ADGRL2: variants seen among roughly 807,000 people sequenced by gnomAD.
ADGRL2 encodes the protein calcium-independent alpha-latrotoxin receptor 2.
In ADGRL2, 44 loss-of-function variants were observed where a neutral mutation model predicts 157.4. The observed-to-expected ratio is 0.28, with a 90% CI of 0.22 to 0.36. The LOEUF is 0.36. ADGRL2 is among the 10% of genes least tolerant of loss of function. The pLI is 1.00. For missense variants in ADGRL2, 1,510 were observed against 1,768.9 expected (o/e 0.85, Z 2.63); for synonymous variants, 585 against 624.7 (o/e 0.94, Z 0.95).
chr1:81,455,545 G>T (rs565731840), intron 2 of ADGRL2, among the ~76,000 whole-genome samples: 2 of 152,270 alleles, frequency 1.3e-5, no homozygotes, highest in Admixed American at 6.5e-5. Context: ...GTGTTTTTCA[G>T]CACAGAGGTG....
chr1:81,619,229 G>A (rs11163340), intron 3 of ADGRL2, among the ~76,000 whole-genome samples: 59,267 of 151,512 alleles, frequency 0.39, 12,056 homozygotes, highest in African/African-American at 0.5. Flanking sequence ...GAGCTGGAAC[G>A]TATCACTGTT....
intron 1 of ADGRL2, among the ~76,000 whole-genome samples, chr1:81,750,886 C>G (rs1179256799): frequency 1.3e-5 from 2 of 152,066 alleles, no homozygotes; most frequent in South Asian, 2.1e-4. Context: ...GTGCATATAT[C>G]TCCTTGGTTC....
chr1:81,873,438 G>GT (rs2093749637), intron 2 of ADGRL2, among the ~76,000 whole-genome samples: 1 of 152,084 alleles, frequency 6.6e-6, no homozygotes, highest in Non-Finnish European at 1.5e-5. Flanking sequence ...TGCTTTGACA[G>GT]TAAAGAGGTA....
At chr1:81,453,884 C>T (rs1230810935) in intron 2 of ADGRL2, among the ~76,000 whole-genome samples, 1 of 152,100 alleles carries the variant, frequency 6.6e-6, no homozygotes, top group Non-Finnish European at 1.5e-5. Context: ...AATGAGCTTG[C>T]AAAGACATGC....
chr1:81,759,726 G>A (rs1387425880), intron 1 of ADGRL2, among the ~76,000 whole-genome samples: 1 of 151,962 alleles, frequency 6.6e-6, no homozygotes, highest in African/African-American at 2.4e-5. Flanking sequence ...TTTCCTTCAT[G>A]CTTGGACATC....
chr1:81,849,762 G>T (rs146708315), intron 2 of ADGRL2, among the ~76,000 whole-genome samples: 1 of 151,822 alleles, frequency 6.6e-6, no homozygotes, highest in African/African-American at 2.4e-5. Context: ...TAAAGGTGAG[G>T]ACAAATTTGT....
rs74732120 is a variant in ADGRL2, at chr1:81,888,836, C to T, written c.74-18181C>T. ...CCATTTTTCCAGCAGTATGTGCTCACTTCATGTGTCTGTGTCACATTTTGT... is the reference window on the plus strand; with the variant it reads ...CCATTTTTCCAGCAGTATGTGCTCATTTCATGTGTCTGTGTCACATTTTGT... On this transcript the variant is annotated intron_variant, in intron 2 of 23. Coordinates refer to ENST00000686636, the MANE Select transcript of ADGRL2 (RefSeq NM_001366006.2). Among the ~76,000 whole-genome samples the T allele has an allele frequency of 5.9e-5, 9 of 152,286 alleles. No homozygotes were observed. The East Asian group carries it at 1.4e-3, about 23-fold the overall frequency.
At chr1:81,400,279 C>G (rs2076728911) in intron 1 of ADGRL2, among the ~76,000 whole-genome samples, 1 of 151,920 alleles carries the variant, frequency 6.6e-6, no homozygotes, top group South Asian at 2.1e-4. Context: ...CTAGGAACAT[C>G]TTTGGGGCCC....
At chr1:81,692,829 C>G (rs977240846) in intron 3 of ADGRL2, among the ~76,000 whole-genome samples, 1 of 152,170 alleles carries the variant, frequency 6.6e-6, no homozygotes, top group South Asian at 2.1e-4. Flanking sequence ...CACATAAAAA[C>G]TCAGATATCT....
chr1:81,390,888 CCA>C (rs1298234012), intron 1 of ADGRL2, among the ~76,000 whole-genome samples: 2 of 152,406 alleles, frequency 1.3e-5, no homozygotes, highest in Admixed American at 6.5e-5. Context: ...AAAGATGCTG[CCA>C]CACACACCCA....
intron 2 of ADGRL2, among the ~76,000 whole-genome samples, chr1:81,550,841 A>T (rs1368322496): frequency 1.3e-5 from 2 of 152,106 alleles, no homozygotes; most frequent in Non-Finnish European, 2.9e-5. Flanking sequence ...AAAAAAAAAA[A>T]TTCATTACTG....
chr1:81,526,065 T>G (rs914777859), intron 2 of ADGRL2, among the ~76,000 whole-genome samples: 5 of 150,526 alleles, frequency 3.3e-5, no homozygotes, highest in Non-Finnish European at 7.4e-5. Flanking sequence ...CTTCCCAGTT[T>G]AATTGGACAA....
intron 2 of ADGRL2, among the ~76,000 whole-genome samples, chr1:81,519,965 T>C (rs537328490): frequency 6.6e-6 from 1 of 152,202 alleles, no homozygotes; most frequent in Non-Finnish European, 1.5e-5. Flanking sequence ...AAGAATAAAT[T>C]TTCTTGGGCT....
At chr1:81,397,476 C>T (rs765574696) in intron 1 of ADGRL2, among the ~76,000 whole-genome samples, 4 of 151,924 alleles carry the variant, frequency 2.6e-5, no homozygotes, top group South Asian at 2.1e-4. Context: ...CCCGCCACCA[C>T]GCCAGACTAA....
intron 1 of ADGRL2, among the ~76,000 whole-genome samples, chr1:81,380,838 T>G (rs1202271390): frequency 6.6e-6 from 1 of 152,074 alleles, no homozygotes; most frequent in African/African-American, 2.4e-5. Flanking sequence ...GTTTATTCTT[T>G]TTAAATGAAT....
chr1:81,854,368 G>A (rs979545610), intron 2 of ADGRL2, among the ~76,000 whole-genome samples: 2 of 152,048 alleles, frequency 1.3e-5, no homozygotes, highest in Non-Finnish European at 2.9e-5. Context: ...ACATTTGTAC[G>A]AGTATTTCAT....
chr1:81,944,776 T>C (rs1649242957), intron 6 of ADGRL2, among the ~76,000 whole-genome samples: 1 of 152,020 alleles, frequency 6.6e-6, no homozygotes, highest in African/African-American at 2.4e-5. Context: ...ATATTTTTTC[T>C]TCTCTTAAAG....
At chr1:81,753,854 A>G (rs9782905) in intron 1 of ADGRL2, among the ~76,000 whole-genome samples, 27,347 of 152,138 alleles carry the variant, frequency 0.18, 2,798 homozygotes, top group Non-Finnish European at 0.22. Context: ...CCAGAAAGGA[A>G]TCCCAGAAGC....
intron 1 of ADGRL2, among the ~76,000 whole-genome samples, chr1:81,398,564 A>T (rs2076696887): frequency 6.6e-6 from 1 of 152,032 alleles, no homozygotes. Flanking sequence ...CATTTCTTGC[A>T]AGGCTGGTCT....
Sources: allele counts gnomAD v4.1 joint callset (sites outside exome capture counted in the v4.1 genomes callset), GRCh38; gene constraint gnomAD v4.1.1; transcripts MANE v1.5; gene names NCBI Gene and HGNC (gene_info 2026-07-23, HGNC 2026-07-21).